EIF2AK3: variants seen among roughly 807,000 people sequenced by gnomAD.
EIF2AK3 encodes the protein eukaryotic translation initiation factor 2 alpha kinase 3, also known as eukaryotic translation initiation factor 2-alpha kinase 3.
A neutral mutation model predicts 113.5 loss-of-function variants in EIF2AK3; 50 were observed. That is an observed-to-expected ratio of 0.44 (90% CI 0.35 to 0.56). EIF2AK3 has a LOEUF of 0.56. Among genes scored for constraint, EIF2AK3 ranks in the 20% least tolerant of loss-of-function variants. The pLI is 0.00. For synonymous variants in EIF2AK3, 448 were observed against 495.4 expected (o/e 0.90, Z 1.27); for missense variants, 1,185 against 1,378.0 (o/e 0.86, Z 2.22).
chr2:88,628,060 G>A (rs1406459625), upstream of EIF2AK3: 1 of 152,482 alleles, frequency 6.6e-6, no homozygotes, highest in Non-Finnish European at 1.5e-5. Context: ...GAAGTAGAAG[G>A]GTAAGGAGGA....
At chr2:88,594,840 A>C (rs2104444581) in intron 3 of EIF2AK3, among the ~76,000 whole-genome samples, 1 of 151,216 alleles carries the variant, frequency 6.6e-6, no homozygotes, top group African/African-American at 2.4e-5. Context: ...TAAAAAAAAA[A>C]AAAAAAAAAC....
intron 15 of EIF2AK3, among the ~76,000 whole-genome samples, chr2:88,561,347 C>T (rs537300152): frequency 1.4e-4 from 22 of 151,874 alleles, no homozygotes; most frequent in Admixed American, 2.6e-4. Flanking sequence ...ATGCAAGCTC[C>T]GCCTCCCGGG....
chr2:88,588,783 T>G lies in EIF2AK3; in HGVS notation c.1284A>C (p.Thr428=). 2 of 1,613,786 alleles carry G rather than the reference T, an allele frequency of 1.2e-6. No homozygotes were observed. The highest frequency in any genetic ancestry group is 1.7e-6 in the Non-Finnish European group (2 of 1,179,834). Reference sequence around the variant, plus strand: ...TACGAATTAAGGGTTTCCATTTGATTGTTGGTAAAGGAATAATTGCGTTTT... The same window carrying G: ...TACGAATTAAGGGTTTCCATTTGATGGTTGGTAAAGGAATAATTGCGTTTT... ...TNENAIIPLP[T]IKWKPLIHSP... Residue 428 remains threonine (T), a synonymous_variant, in exon 7 of 17, where the codon ACA becomes ACC. Coordinates refer to ENST00000303236, the MANE Select transcript of EIF2AK3 (RefSeq NM_004836.7).
intron 4 of EIF2AK3, 97 bp downstream of exon 4, chr2:88,593,175 C>A: frequency 1.3e-6 from 2 of 1,488,204 alleles, no homozygotes; most frequent in Non-Finnish European, 1.9e-6. Context: ...TTTAAGGCAA[C>A]AAAATAGTCA....
chr2:88,573,181 G>C (rs538744921), intron 13 of EIF2AK3, among the ~76,000 whole-genome samples: 1 of 151,706 alleles, frequency 6.6e-6, no homozygotes. Flanking sequence ...ATTTAGAAAG[G>C]AATAAAACTT....
At chr2:88,570,506 T>G (rs1188661468) in intron 14 of EIF2AK3, among the ~76,000 whole-genome samples, 1 of 152,162 alleles carries the variant, frequency 6.6e-6, no homozygotes. Flanking sequence ...AAAGGGCAGC[T>G]CAGTATAGTA....
intron 13 of EIF2AK3, among the ~76,000 whole-genome samples, chr2:88,574,332 CA>C (rs1275768312): frequency 6.6e-6 from 1 of 152,072 alleles, no homozygotes; most frequent in Non-Finnish European, 1.5e-5. Flanking sequence ...AACAAACAAA[CA>C]AAAAAACAGG....
intron 2 of EIF2AK3, among the ~76,000 whole-genome samples, chr2:88,602,403 G>A (rs928115228): frequency 2.6e-5 from 4 of 152,074 alleles, no homozygotes; most frequent in African/African-American, 9.7e-5. Flanking sequence ...CTGTGTATAA[G>A]CTAAGAAGCA....
intron 8 of EIF2AK3, among the ~76,000 whole-genome samples, chr2:88,587,657 C>T (rs573822674): frequency 6.6e-6 from 1 of 152,252 alleles, no homozygotes; most frequent in East Asian, 1.9e-4. Flanking sequence ...CTATGTGCCA[C>T]GTATGATGTT....
intron 14 of EIF2AK3, among the ~76,000 whole-genome samples, chr2:88,563,767 A>G: frequency 6.6e-6 from 1 of 152,322 alleles, no homozygotes; most frequent in South Asian, 2.1e-4. Flanking sequence ...ATAATATGGG[A>G]AATACTTATA....
chr2:88,623,802 T>C (rs1406179605), intron 1 of EIF2AK3, among the ~76,000 whole-genome samples: 1 of 152,168 alleles, frequency 6.6e-6, no homozygotes, highest in Non-Finnish European at 1.5e-5. Context: ...CTATCTTAAG[T>C]CCACACTACA....
chr2:88,595,895 G>A, intron 2 of EIF2AK3: 7 of 574,596 alleles, frequency 1.2e-5, no homozygotes, highest in Non-Finnish European at 2.2e-5. Context: ...CCTACACATA[G>A]TACTCTAGTA....
At chr2:88,596,414 C>T (rs769134890) in intron 2 of EIF2AK3, among the ~76,000 whole-genome samples, 6 of 151,632 alleles carry the variant, frequency 4.0e-5, no homozygotes, top group East Asian at 1.9e-4. Context: ...TCTGGTGTCA[C>T]GAGACAAACA....
At chr2:88,618,885 C>G (rs968276654) in intron 1 of EIF2AK3, among the ~76,000 whole-genome samples, 2 of 152,156 alleles carry the variant, frequency 1.3e-5, no homozygotes, top group Non-Finnish European at 2.9e-5. Context: ...CAGATTCACT[C>G]CCCTCATCAG....
At chr2:88,622,725 A>G (rs1675757531) in intron 1 of EIF2AK3, among the ~76,000 whole-genome samples, 1 of 152,234 alleles carries the variant, frequency 6.6e-6, no homozygotes, top group South Asian at 2.1e-4. Flanking sequence ...GAATAGGACT[A>G]TATGACTGAG....
chr2:88,562,463 T>G lies in EIF2AK3; in HGVS notation c.2986-73A>C, dbSNP rs1673991448. On this transcript the variant is annotated intron_variant, in intron 14 of 16. Transcript: ENST00000303236. ...CAGTTGATATTACAGCATTATTGAATCCCAAAGTTTACTTAGTCACTTCTT... is the reference window on the plus strand; with the variant it reads ...CAGTTGATATTACAGCATTATTGAAGCCCAAAGTTTACTTAGTCACTTCTT... 4.0e-6 allele frequency: 5 copies of G among 1,249,990 alleles called. No individual in the cohort carries two copies. In the South Asian group the frequency reaches 6.1e-5, roughly 15 times the overall value. 77.4% of individuals were successfully genotyped at this position (1,249,990 alleles called of 1,614,324 possible). A position where few individuals can be genotyped will look rare whatever the true frequency, so the allele number is the denominator to read the frequency against.
chr2:88,582,769 A>G (rs917337137), intron 10 of EIF2AK3, among the ~76,000 whole-genome samples: 8 of 152,182 alleles, frequency 5.3e-5, no homozygotes, highest in African/African-American at 1.9e-4. Context: ...GATATTAAGC[A>G]GTATAGTTCC....
chr2:88,613,947 G>T, intron 1 of EIF2AK3, 94 bp from the exon 2 acceptor site: 1 of 1,161,920 alleles, frequency 8.6e-7, no homozygotes, highest in Non-Finnish European at 1.2e-6. Flanking sequence ...CCATGTCCAG[G>T]CCTCTATTCG....
At chr2:88,562,631 G>C (rs1247957158) in intron 14 of EIF2AK3, among the ~76,000 whole-genome samples, 3 of 152,164 alleles carry the variant, frequency 2.0e-5, no homozygotes, top group Admixed American at 2.0e-4. Context: ...ATATGCATCA[G>C]TAAAACAGGC....
Sources: allele counts gnomAD v4.1 joint callset (sites outside exome capture counted in the v4.1 genomes callset), GRCh38; gene constraint gnomAD v4.1.1; transcripts MANE v1.5; gene names NCBI Gene and HGNC (gene_info 2026-07-23, HGNC 2026-07-21).